Variants in BCAS3 observed in about 807,000 individuals in gnomAD.
BCAS3 encodes BCAS3 microtubule associated cell migration factor.
In BCAS3, 53 loss-of-function variants were observed where a neutral mutation model predicts 116.1. That is an observed-to-expected ratio of 0.46 (90% CI 0.37 to 0.57). The LOEUF is 0.57. Ranked by LOEUF, BCAS3 falls within the 20% of genes least tolerant of loss-of-function variation. The pLI, the probability that BCAS3 is intolerant of heterozygous loss-of-function variation, is 0.00. For synonymous variants in BCAS3, 391 were observed against 408.2 expected, an observed-to-expected ratio of 0.96 and a Z score of 0.51; for missense variants, 917 against 1,165.4, an observed-to-expected ratio of 0.79 and a Z score of 3.10.
intron 11 of BCAS3, among the ~76,000 whole-genome samples, chr17:60,903,546 A>G (rs868471451): frequency 6.6e-6 from 1 of 152,184 alleles, no homozygotes; most frequent in African/African-American, 2.4e-5. Context: ...TTGCTCAGGC[A>G]GGAGTGAACA....
At chr17:61,321,695 C>A (rs2055227330) in intron 22 of BCAS3, among the ~76,000 whole-genome samples, 1 of 152,106 alleles carries the variant, frequency 6.6e-6, no homozygotes, top group Non-Finnish European at 1.5e-5. Context: ...TAGTGCAAGC[C>A]CTAGGAAGGC....
At chr17:60,713,414 T>C (rs747138913) in intron 5 of BCAS3, among the ~76,000 whole-genome samples, 1 of 152,218 alleles carries the variant, frequency 6.6e-6, no homozygotes, top group Non-Finnish European at 1.5e-5. Flanking sequence ...GGAGCCTATG[T>C]TGGCCAACCT....
chr17:61,365,870 C>T lies in BCAS3; in HGVS notation c.2426-2457C>T, dbSNP rs375188245. Among the ~76,000 whole-genome samples the T allele has an allele frequency of 5.3e-4, 81 of 151,838 alleles. No individual in the cohort carries two copies. The highest frequency in any genetic ancestry group is 1.9e-3 in the African/African-American group (78 of 41,404). On this transcript the variant is annotated intron_variant, in intron 22 of 23. Transcript: ENST00000407086. The surrounding 1 kb of genome is among the most constrained non-coding windows in gnomAD (Gnocchi z 4.6). ...AAGCTGAGTGTATAGCAGCCAGGTG[C>T]GGTGGCTCACACCTGGAATCCCAGC... is the stretch of plus-strand genomic sequence containing the variant.
chr17:60,959,539 A>G (rs2061314314), intron 14 of BCAS3, among the ~76,000 whole-genome samples: 2 of 152,230 alleles, frequency 1.3e-5, no homozygotes, highest in South Asian at 2.1e-4. Flanking sequence ...CTCATATTTC[A>G]TACATTGCTG....
At position 61,004,464 on chromosome 17, in the gene BCAS3, A is replaced by G. The variant is rs938618716; in HGVS notation, c.1487-11287A>G. On this transcript the variant is annotated intron_variant, in intron 15 of 23. Transcript: ENST00000407086. The surrounding 1 kb of genome is among the most constrained non-coding windows in gnomAD (Gnocchi z 4.8). Reference sequence around the variant, plus strand: ...TAGCCAGAGTTTGAATGATTGACCCATATGAACAGATTTAGAAATTATCAG... The same window carrying G: ...TAGCCAGAGTTTGAATGATTGACCCGTATGAACAGATTTAGAAATTATCAG... Among the ~76,000 whole-genome samples the G allele has an allele frequency of 2.0e-5, 3 of 152,066 alleles. No individual in the cohort carries two copies. The highest frequency in any genetic ancestry group is 4.4e-5 in the Non-Finnish European group (3 of 67,982).
In BCAS3 at chr17:61,037,986, A is replaced by G. The variant is rs745561885; in HGVS notation, c.1860A>G (p.Ala620=). The G allele has an allele frequency of 1.2e-6, 2 of 1,614,158 alleles. No homozygotes were observed. The highest frequency in any genetic ancestry group is 4.5e-5 in the East Asian group (2 of 44,876). The stretch of plus-strand genomic sequence containing the variant: ...TGGAGCCGCGACCCCTCAGCACTGC[A>G]CCCAAGATTAGTGACGACACACCAC... ...HMMEPRPLST[A]PKISDDTPLE... Residue 620 remains alanine, a synonymous_variant, in exon 18 of 24, where the codon GCA becomes GCG. Coordinates refer to ENST00000407086, the MANE Select transcript of BCAS3 (RefSeq NM_017679.5). The surrounding 1 kb of genome is among the most constrained non-coding windows in gnomAD (Gnocchi z 4.7).
At chr17:61,321,929 T>G (rs6504039) in intron 22 of BCAS3, among the ~76,000 whole-genome samples, 6,414 of 150,494 alleles carry the variant, frequency 0.043, 429 homozygotes, top group African/African-American at 0.15. Context: ...GTTTTTTGTT[T>G]GTTTGTTTGT....
rs550111204 is a variant in BCAS3, at chr17:61,215,940, G to A, written c.2425+131376G>A. On this transcript the variant is annotated intron_variant, in intron 22 of 23. Coordinates refer to ENST00000407086, the MANE Select transcript of BCAS3 (RefSeq NM_017679.5). This position sits in a 1 kb window ranked among gnomAD's most constrained non-coding sequence, Gnocchi z 4.8. ...CTCTGTGCTTTTCAGGATATAATAG[G>A]TAAATCCACTTCTCTAGTATATTCA... is the stretch of plus-strand genomic sequence containing the variant. 1.4e-3 allele frequency among the ~76,000 whole-genome samples: 212 copies of A among 152,252 alleles called. No individual in the cohort carries two copies. Among genetic ancestry groups the A allele is most frequent in the African/African-American group, 4.8e-3 (198 of 41,540 alleles).
chr17:60,790,888 C>T (rs558355441), intron 6 of BCAS3, among the ~76,000 whole-genome samples: 1 of 151,716 alleles, frequency 6.6e-6, no homozygotes, highest in Non-Finnish European at 1.5e-5. Flanking sequence ...GGATTACAGG[C>T]GTGCACCACC....
chr17:60,718,307 T>C (rs2144072725), intron 5 of BCAS3, among the ~76,000 whole-genome samples: 1 of 152,280 alleles, frequency 6.6e-6, no homozygotes, highest in Non-Finnish European at 1.5e-5. Flanking sequence ...AAGGGGTTCA[T>C]ACAGCTGCCT....
intron 22 of BCAS3, among the ~76,000 whole-genome samples, chr17:61,169,537 T>G (rs1375008126): frequency 6.6e-6 from 1 of 152,104 alleles, no homozygotes; most frequent in Admixed American, 6.5e-5. Context: ...CCTCCCAAAG[T>G]GCTAGGATTA....
At chr17:60,861,333 A>G (rs2054138284) in intron 7 of BCAS3, among the ~76,000 whole-genome samples, 7 of 152,206 alleles carry the variant, frequency 4.6e-5, no homozygotes, top group Admixed American at 4.6e-4. Context: ...ATTTTCATAC[A>G]TTGATTTTAT....
At chr17:61,335,936 A>G (rs1223252279) in intron 22 of BCAS3, among the ~76,000 whole-genome samples, 1 of 152,258 alleles carries the variant, frequency 6.6e-6, no homozygotes, top group Non-Finnish European at 1.5e-5. Flanking sequence ...GCTGCCTGCC[A>G]GATTGACAGC....
rs961592560 is a variant in BCAS3, at chr17:61,380,845, G to A, written c.2594-11132G>A. On this transcript the variant is annotated intron_variant, in intron 23 of 23. Coordinates refer to ENST00000407086, the MANE Select transcript of BCAS3 (RefSeq NM_017679.5). This position sits in a 1 kb window ranked among gnomAD's most constrained non-coding sequence, Gnocchi z 4.2. ...TGAAATTTTCGGACTCTGCTGTGCAGAGCAGGGAGGTCACTAGGCTCTAAT... is the reference window on the plus strand; with the variant it reads ...TGAAATTTTCGGACTCTGCTGTGCAAAGCAGGGAGGTCACTAGGCTCTAAT... Among the ~76,000 whole-genome samples, 22 of 152,354 alleles carry A rather than the reference G, an allele frequency of 1.4e-4. No homozygotes were observed. The highest frequency in any genetic ancestry group is 5.0e-4 in the African/African-American group (21 of 41,588).
intron 22 of BCAS3, among the ~76,000 whole-genome samples, chr17:61,250,631 CT>C (rs1445364743): frequency 1.3e-5 from 2 of 152,246 alleles, no homozygotes; most frequent in East Asian, 3.8e-4. Flanking sequence ...GGGGCACAGT[CT>C]CCCGTTTTCG....
intron 22 of BCAS3, among the ~76,000 whole-genome samples, chr17:61,209,133 T>C (rs183320654): frequency 6.6e-6 from 1 of 151,810 alleles, no homozygotes; most frequent in East Asian, 1.9e-4. Context: ...AAAGCTGTTT[T>C]TGCTGAAGAA....
chr17:60,686,039 T>A (rs2033987129), intron 3 of BCAS3, among the ~76,000 whole-genome samples: 1 of 151,952 alleles, frequency 6.6e-6, no homozygotes, highest in Admixed American at 6.6e-5. Context: ...CTGTCTAATT[T>A]TTGTATTTTT....
chr17:61,045,858 T>TA (rs2068026829), intron 19 of BCAS3, among the ~76,000 whole-genome samples: 1 of 492 alleles, frequency 2.0e-3, no homozygotes, highest in Non-Finnish European at 4.5e-3. Context: ...TCTATATATA[T>TA]ATATATAAAT....
intron 10 of BCAS3, among the ~76,000 whole-genome samples, chr17:60,899,422 C>T (rs2057727204): frequency 6.6e-6 from 1 of 152,280 alleles, no homozygotes; most frequent in South Asian, 2.1e-4. Context: ...GCTGCTACAG[C>T]CAATGCTTTA....
Sources: gnomAD v4.1 joint callset for allele counts (sites outside exome capture counted in the v4.1 genomes callset) on GRCh38, gnomAD v4.1.1 for gene constraint, Gnocchi (gnomAD v3.1) non-coding constraint, MANE v1.5 for transcripts, NCBI Gene and HGNC (gene_info 2026-07-23, HGNC 2026-07-21) for gene names.